Variants in EXOC4 observed in about 807,000 individuals in gnomAD.
EXOC4 encodes exocyst complex component 4, also known as SEC8-like 1.
In EXOC4, 71 loss-of-function variants were observed where a neutral mutation model predicts 107.2. The observed-to-expected ratio is 0.66, with a 90% confidence interval of 0.55 to 0.81. The LOEUF (loss-of-function observed/expected upper bound fraction) is 0.81, where lower values mean the gene tolerates loss of function less well. EXOC4 is among the 30% of genes least tolerant of loss of function. The pLI, the probability that EXOC4 is intolerant of heterozygous loss-of-function variation, is 0.00. For synonymous variants in EXOC4, 456 were observed against 441.2 expected, an observed-to-expected ratio of 1.03 and a Z score of -0.42; for missense variants, 1,108 against 1,189.6, an observed-to-expected ratio of 0.93 and a Z score of 1.01.
intron 9 of EXOC4, among the ~76,000 whole-genome samples, chr7:133,615,628 A>G (rs984891054): frequency 2.0e-5 from 3 of 151,922 alleles, no homozygotes; most frequent in Non-Finnish European, 2.9e-5. Flanking sequence ...TGCGTTCTCT[A>G]TTGGTGGAGT....
At chr7:133,352,635 A>G (rs1277745993) in intron 5 of EXOC4, among the ~76,000 whole-genome samples, 1 of 151,970 alleles carries the variant, frequency 6.6e-6, no homozygotes. Flanking sequence ...ACCCATTTAC[A>G]TTTAAAATAA....
intron 10 of EXOC4, among the ~76,000 whole-genome samples, chr7:133,662,610 G>A (rs541849500): frequency 1.3e-5 from 2 of 149,018 alleles, no homozygotes; most frequent in East Asian, 3.9e-4. Flanking sequence ...AGTTCTGAAT[G>A]TTTTTTAACA....
intron 5 of EXOC4, among the ~76,000 whole-genome samples, chr7:133,332,657 T>C (rs1795420813): frequency 1.3e-5 from 2 of 152,252 alleles, no homozygotes; most frequent in Non-Finnish European, 2.9e-5. Flanking sequence ...GGATTTTGTA[T>C]GTAAACAGTC....
chr7:133,846,670 A>G (rs1044752500), intron 11 of EXOC4, among the ~76,000 whole-genome samples: 2 of 152,244 alleles, frequency 1.3e-5, no homozygotes, highest in Non-Finnish European at 2.9e-5. Context: ...TGTTGCAGCT[A>G]TGCGGCTCTG....
chr7:133,777,045 G>C (rs1032241442), intron 10 of EXOC4, among the ~76,000 whole-genome samples: 1 of 152,070 alleles, frequency 6.6e-6, no homozygotes, highest in East Asian at 1.9e-4. Context: ...TGAGAGCCAA[G>C]AGAATTAATT....
rs1228777353 is a variant in EXOC4 at position 133,817,397 on chromosome 7, C to T, written c.1587C>T (p.Thr529=). 5.0e-6 allele frequency: 8 copies of T among 1,613,896 alleles called. No homozygotes were observed. The highest frequency in any genetic ancestry group is 2.7e-5 in the African/African-American group (2 of 74,896). ...AKQCPLREFL[T]VYIKNIFLNQ... ...AGTGTCCTCTTCGAGAGTTTCTCAC[C>T]GTGTACATCAAAAACATCTTTCTCA... The change falls in exon 11 of 18, where the codon ACC becomes ACT. Residue 529 remains threonine, a synonymous_variant. Transcript: ENST00000253861.
intron 7 of EXOC4, among the ~76,000 whole-genome samples, chr7:133,434,205 C>T (rs1797916013): frequency 1.3e-5 from 2 of 152,074 alleles, no homozygotes. Context: ...TGCATGAGAC[C>T]TCCCTAAAGC....
chr7:133,724,000 C>T (rs1795162270), intron 10 of EXOC4, among the ~76,000 whole-genome samples: 1 of 151,830 alleles, frequency 6.6e-6, no homozygotes, highest in African/African-American at 2.4e-5. Flanking sequence ...AAGCGAAGCC[C>T]TGAGTTATAT....
intron 7 of EXOC4, among the ~76,000 whole-genome samples, chr7:133,435,446 G>T (rs1449870706): frequency 6.6e-6 from 1 of 152,160 alleles, no homozygotes; most frequent in Non-Finnish European, 1.5e-5. Context: ...AGCTGCAAAG[G>T]CAGAGAACCA....
intron 10 of EXOC4, among the ~76,000 whole-genome samples, chr7:133,717,126 G>T (rs1795013952): frequency 1.3e-5 from 2 of 151,970 alleles, no homozygotes; most frequent in South Asian, 4.2e-4. Context: ...AAATTCCAAA[G>T]ATGAACTGTA....
At chr7:133,429,040 AT>A (rs1277827773) in intron 7 of EXOC4, among the ~76,000 whole-genome samples, 7 of 152,200 alleles carry the variant, frequency 4.6e-5, no homozygotes, top group Admixed American at 2.6e-4. Flanking sequence ...CAGGGAAAGT[AT>A]TAAGCAAGAG....
chr7:133,620,058 T>C (rs1802291757), intron 9 of EXOC4, among the ~76,000 whole-genome samples: 1 of 152,042 alleles, frequency 6.6e-6, no homozygotes, highest in Non-Finnish European at 1.5e-5. Context: ...AGTCTCCCTC[T>C]GTTACCCAGG....
At chr7:134,046,279 C>T (rs1371063682) in intron 17 of EXOC4, among the ~76,000 whole-genome samples, 3 of 152,026 alleles carry the variant, frequency 2.0e-5, no homozygotes, top group Non-Finnish European at 4.4e-5. Flanking sequence ...GCCAGGAGTT[C>T]GAGACCAGCC....
chr7:133,487,775 C>T (rs576075763), intron 9 of EXOC4, among the ~76,000 whole-genome samples: 1 of 152,182 alleles, frequency 6.6e-6, no homozygotes, highest in East Asian at 1.9e-4. Flanking sequence ...AGAACAAAAA[C>T]TTCTGAAATG....
chr7:133,291,399 T>A (rs1018562198), intron 3 of EXOC4, among the ~76,000 whole-genome samples: 13 of 151,724 alleles, frequency 8.6e-5, no homozygotes, highest in Non-Finnish European at 1.8e-4. Context: ...TTTTTTTTTT[T>A]TTGAGACAGG....
chr7:133,373,727 T>C (rs995821291), intron 6 of EXOC4, among the ~76,000 whole-genome samples: 1 of 152,196 alleles, frequency 6.6e-6, no homozygotes. Flanking sequence ...CCACAAAATA[T>C]ACAATAAAGC....
intron 11 of EXOC4, among the ~76,000 whole-genome samples, chr7:133,828,546 A>G (rs752786315): frequency 6.6e-6 from 1 of 151,622 alleles, no homozygotes; most frequent in South Asian, 2.1e-4. Flanking sequence ...AAACAAGACT[A>G]TCTCAGCTTC....
intron 10 of EXOC4, among the ~76,000 whole-genome samples, chr7:133,780,313 A>AC (rs1796438352): frequency 6.6e-6 from 1 of 151,898 alleles, no homozygotes; most frequent in African/African-American, 2.4e-5. Context: ...TAAAAAAAAA[A>AC]AAAGCCATAC....
intron 3 of EXOC4, among the ~76,000 whole-genome samples, chr7:133,289,832 A>G (rs1474560068): frequency 6.6e-6 from 1 of 152,152 alleles, no homozygotes; most frequent in Non-Finnish European, 1.5e-5. Context: ...TCCCACTTCC[A>G]TCTCATTCAG....
Sources: gnomAD v4.1 joint callset for allele counts (sites outside exome capture counted in the v4.1 genomes callset) on GRCh38, gnomAD v4.1.1 for gene constraint, MANE v1.5 for transcripts, NCBI Gene and HGNC (gene_info 2026-07-23, HGNC 2026-07-21) for gene names.